CRYL1: variants seen among roughly 807,000 people sequenced by gnomAD.
The protein encoded by CRYL1 is lambda-crystallin homolog.
CRYL1 carries 29 observed loss-of-function variants against 36.6 expected under a neutral mutation model. The observed-to-expected ratio is 0.79, with a 90% confidence interval of 0.59 to 1.08. CRYL1 has a LOEUF of 1.08. Ranked by LOEUF, CRYL1 falls within the 50% of genes least tolerant of loss-of-function variation. The pLI is 0.00. For synonymous variants in CRYL1, 152 were observed against 151.5 expected (o/e 1.00, Z -0.02); for missense variants, 411 against 407.9 (o/e 1.01, Z -0.06).
intron 6 of CRYL1, among the ~76,000 whole-genome samples, chr13:20,410,959 G>A (rs2031508507): frequency 6.6e-6 from 1 of 152,188 alleles, no homozygotes; most frequent in Admixed American, 6.5e-5. Flanking sequence ...TTTGTAAAAG[G>A]AGCCAAAAGG....
chr13:20,493,369 G>C (rs2033546848), intron 2 of CRYL1, among the ~76,000 whole-genome samples: 1 of 152,178 alleles, frequency 6.6e-6, no homozygotes, highest in African/African-American at 2.4e-5. Context: ...GGTCAGAAAT[G>C]CAGACCCAGG....
intron 5 of CRYL1, 67 bp from the exon 6 acceptor site, chr13:20,413,454 A>G (rs1002399440): frequency 9.2e-6 from 9 of 981,676 alleles, no homozygotes; most frequent in Admixed American, 1.9e-5. Context: ...CACCACTTCC[A>G]TCCTAACTTC....
chr13:20,475,859 G>A (rs1398748847), intron 3 of CRYL1, among the ~76,000 whole-genome samples: 2 of 152,186 alleles, frequency 1.3e-5, no homozygotes, highest in African/African-American at 2.4e-5. Flanking sequence ...GCAAAAGGCC[G>A]CAGGACGAGT....
At chr13:20,504,302 CTTTTTTTT>C (rs757657892) in intron 2 of CRYL1, among the ~76,000 whole-genome samples, 3 of 128,490 alleles carry the variant, frequency 2.3e-5, no homozygotes, top group Admixed American at 1.6e-4. Context: ...CTTTTCTTTT[CTTTTTTTT>C]TTTTTTTTTT....
intron 2 of CRYL1, among the ~76,000 whole-genome samples, chr13:20,496,003 G>A (rs113675584): frequency 0.044 from 6,756 of 152,246 alleles, 408 homozygotes; most frequent in African/African-American, 0.13. Flanking sequence ...TTCACTCTAT[G>A]TTGGCCAGGC....
At position 20,455,528 on chromosome 13, in the gene CRYL1, T is replaced by C. The variant is rs9509222; in HGVS notation, c.277-15774A>G. On this transcript the variant is annotated intron_variant, in intron 3 of 7. Transcript: ENST00000298248. The stretch of plus-strand genomic sequence containing the variant: ...CATGAATTAGAAAACTCAAGCTACA[T>C]CATAATCATGAATTGGAAAACTCAA... Among the ~76,000 whole-genome samples, 244 of 54,106 alleles carry C rather than the reference T, an allele frequency of 4.5e-3. 3 individuals are homozygous for C. Among genetic ancestry groups the C allele is most frequent in the Admixed American group, 0.011 (40 of 3,640 alleles). The allele number at this position is 54,106 out of a possible 152,430, so 35.5% of individuals were successfully genotyped here. A position where few individuals can be genotyped will look rare whatever the true frequency, so the allele number is the denominator to read the frequency against.
At chr13:20,427,083 C>G in intron 5 of CRYL1, 1 of 985,540 alleles carries the variant, frequency 1.0e-6, no homozygotes. Context: ...AGGCAACAAA[C>G]TTAGCTACTG....
chr13:20,404,214 G>T lies in CRYL1; in HGVS notation c.875C>A (p.Pro292Gln). ...QDMCMKVPDD[P>Q]EHLAARRQWR... ...CTGCCTCCTGGCAGCTAAGTGCTCC[G>T]GGTCATCAGGGACCTTCATGCACAT... The change falls in exon 8 of 8, where the codon CCG (proline) becomes CAG (glutamine). Residue 292 changes from proline to glutamine, a missense_variant. Physicochemically the swap from Pro to Gln is moderately conservative, Grantham distance 76. Coordinates refer to ENST00000298248, the MANE Select transcript of CRYL1 (RefSeq NM_015974.3). 6.2e-7 allele frequency: 1 copy of T among 1,613,396 alleles called. No homozygotes were observed. The highest frequency in any genetic ancestry group is 8.5e-7 in the Non-Finnish European group (1 of 1,179,486).
intron 1 of CRYL1, among the ~76,000 whole-genome samples, chr13:20,519,282 C>T (rs952330164): frequency 1.1e-4 from 17 of 152,116 alleles, no homozygotes; most frequent in Admixed American, 8.5e-4. Context: ...CTGCATCAAA[C>T]GCTGCTGATG....
At chr13:20,433,600 G>A (rs2032126386) in intron 4 of CRYL1, among the ~76,000 whole-genome samples, 1 of 152,210 alleles carries the variant, frequency 6.6e-6, no homozygotes, top group African/African-American at 2.4e-5. Context: ...CGATGCCTCG[G>A]TTAAACACCT....
rs571342543 is a variant in CRYL1 at position 20,421,177 on chromosome 13, C to T, written c.634-7790G>A. On this transcript the variant is annotated intron_variant, in intron 5 of 7. Coordinates refer to ENST00000298248, the MANE Select transcript of CRYL1 (RefSeq NM_015974.3). The stretch of plus-strand genomic sequence containing the variant: ...CCCTGGTGCACTTTTTCTTAGAACA[C>T]TGTGTGTATAATGATGCTTTTAGGG... 7.2e-5 allele frequency among the ~76,000 whole-genome samples: 11 copies of T among 152,150 alleles called. No individual in the cohort carries two copies. In the South Asian group the frequency reaches 1.9e-3, roughly 26 times the overall value.
chr13:20,456,668 C>CAT (rs1217697306), intron 3 of CRYL1, among the ~76,000 whole-genome samples: 1 of 148,500 alleles, frequency 6.7e-6, no homozygotes, highest in Admixed American at 6.7e-5. Flanking sequence ...CACACACACA[C>CAT]ACACACACAC....
Position 20,525,707 on chromosome 13 carries a change from C to T in CRYL1, c.41+47G>A. On this transcript the variant is annotated intron_variant, in intron 1 of 7. Coordinates refer to ENST00000298248, the MANE Select transcript of CRYL1 (RefSeq NM_015974.3). The surrounding 1 kb of genome is among the most constrained non-coding windows in gnomAD (Gnocchi z 4.3). ...CCACGCGAGGGCACCACGTCCCCGG[C>T]GTCTCCCCGGGCTCCAGGGGCAGCA... 2.3e-6 allele frequency: 3 copies of T among 1,324,156 alleles called. No individual in the cohort carries two copies. Among genetic ancestry groups the T allele is most frequent in the African/African-American group, 3.1e-5 (2 of 65,322 alleles). The allele number at this position is 1,324,156 out of a possible 1,614,324, so 82.0% of individuals were successfully genotyped here.
At chr13:20,494,350 A>G (rs1055477127) in intron 2 of CRYL1, among the ~76,000 whole-genome samples, 8 of 152,204 alleles carry the variant, frequency 5.3e-5, no homozygotes, top group Non-Finnish European at 8.8e-5. Flanking sequence ...TTAAATGTAG[A>G]AAGAATAATA....
intron 4 of CRYL1, among the ~76,000 whole-genome samples, chr13:20,439,357 T>C (rs1326731934): frequency 6.6e-6 from 1 of 152,050 alleles, no homozygotes; most frequent in Non-Finnish European, 1.5e-5. Flanking sequence ...TTGGATAAAA[T>C]TCTTTTTTAA....
chr13:20,515,833 A>AAGTTCTGG (rs2033989098), intron 1 of CRYL1: 5 of 151,984 alleles, frequency 3.3e-5, no homozygotes, highest in African/African-American at 1.2e-4. Flanking sequence ...GCAAGATGAA[A>AAGTTCTGG]AGATTGATTG....
intron 5 of CRYL1, among the ~76,000 whole-genome samples, chr13:20,414,382 G>C (rs959065127): frequency 6.6e-6 from 1 of 151,836 alleles, no homozygotes; most frequent in East Asian, 1.9e-4. Context: ...TACAACCTAC[G>C]GACCGCCTGC....
intron 3 of CRYL1, among the ~76,000 whole-genome samples, chr13:20,478,482 T>C (rs1343101478): frequency 6.6e-6 from 1 of 152,146 alleles, no homozygotes; most frequent in Non-Finnish European, 1.5e-5. Flanking sequence ...TTGGGTTTGT[T>C]TGTTTGTTTT....
At chr13:20,497,203 A>G (rs1391047989) in intron 2 of CRYL1, among the ~76,000 whole-genome samples, 2 of 151,974 alleles carry the variant, frequency 1.3e-5, no homozygotes, top group African/African-American at 4.8e-5. Context: ...TACAGATACC[A>G]GGGGCTTCAG....
Sources: gnomAD v4.1 joint callset for allele counts (sites outside exome capture counted in the v4.1 genomes callset) on GRCh38, gnomAD v4.1.1 for gene constraint, Gnocchi (gnomAD v3.1) non-coding constraint, MANE v1.5 for transcripts, NCBI Gene and HGNC (gene_info 2026-07-23, HGNC 2026-07-21) for gene names.